IGF1R: variants seen among roughly 807,000 people sequenced by gnomAD.
IGF1R encodes the protein insulin-like growth factor 1 receptor.
In IGF1R, 44 loss-of-function variants were observed where a neutral mutation model predicts 144.6. That is an observed-to-expected ratio of 0.30 (90% CI 0.24 to 0.39). The LOEUF (loss-of-function observed/expected upper bound fraction) is 0.39, where lower values mean the gene tolerates loss of function less well. Ranked by LOEUF, IGF1R falls within the 10% of genes least tolerant of loss-of-function variation. IGF1R has a pLI of 1.00. For missense variants in IGF1R, 1,355 were observed against 1,833.7 expected (o/e 0.74, Z 4.77); for synonymous variants, 795 against 722.8 (o/e 1.10, Z -1.60).
At chr15:98,899,365 C>T (rs1043569940) in intron 4 of IGF1R, 112 bp from the exon 5 acceptor site, 3 of 1,040,510 alleles carry the variant, frequency 2.9e-6, no homozygotes, top group Non-Finnish European at 4.5e-6. Context: ...GTGCTGGGAG[C>T]ATCTCAGGGG....
chr15:98,910,334 A>G (rs2684811), intron 6 of IGF1R, among the ~76,000 whole-genome samples: 104,846 of 152,150 alleles, frequency 0.69, 37,100 homozygotes, highest in Non-Finnish European at 0.78. Flanking sequence ...ATCATAATAC[A>G]TAGTAGCCGT....
intron 2 of IGF1R, among the ~76,000 whole-genome samples, chr15:98,774,491 G>A (rs2141378219): frequency 6.6e-6 from 1 of 152,272 alleles, no homozygotes; most frequent in Non-Finnish European, 1.5e-5. Flanking sequence ...TCTTTAAGAA[G>A]AAATATAGAA....
chr15:98,925,343 G>C (rs2015671261), intron 13 of IGF1R, among the ~76,000 whole-genome samples: 1 of 152,210 alleles, frequency 6.6e-6, no homozygotes, highest in Non-Finnish European at 1.5e-5. Flanking sequence ...CAAATTATAA[G>C]ATGTATAAGC....
At chr15:98,818,147 C>G (rs2056733578) in intron 2 of IGF1R, among the ~76,000 whole-genome samples, 1 of 152,196 alleles carries the variant, frequency 6.6e-6, no homozygotes, top group Non-Finnish European at 1.5e-5. Flanking sequence ...GTCTCCTTAA[C>G]AGCCCTACCT....
chr15:98,693,429 TGGGGCTGCTGTCCTTCAGCCCTGC>T (rs1567079247), intron 1 of IGF1R, among the ~76,000 whole-genome samples: 1 of 152,186 alleles, frequency 6.6e-6, no homozygotes, highest in African/African-American at 2.4e-5. Flanking sequence ...AGCTGCTGAA[TGGGGCTGCTGTCCTTCAGCCCTGC>T]CTCCTGCTGC....
At chr15:98,951,734 C>A (rs1421381137) in intron 20 of IGF1R, among the ~76,000 whole-genome samples, 1 of 152,200 alleles carries the variant, frequency 6.6e-6, no homozygotes, top group Non-Finnish European at 1.5e-5. Flanking sequence ...CGTAGCACTG[C>A]CCAAGTGTCT....
At chr15:98,771,516 G>A (rs764346260) in intron 2 of IGF1R, among the ~76,000 whole-genome samples, 3 of 152,178 alleles carry the variant, frequency 2.0e-5, no homozygotes, top group Non-Finnish European at 4.4e-5. Context: ...TGAGTAAGCA[G>A]AGAAGTTATT....
intron 4 of IGF1R, among the ~76,000 whole-genome samples, chr15:98,898,824 A>G (rs537485061): frequency 5.9e-5 from 9 of 152,256 alleles, no homozygotes; most frequent in Non-Finnish European, 1.0e-4. Flanking sequence ...TTTGCATATT[A>G]TGTTTGTACA....
At chr15:98,756,198 T>G (rs2055151250) in intron 2 of IGF1R, among the ~76,000 whole-genome samples, 1 of 152,014 alleles carries the variant, frequency 6.6e-6, no homozygotes, top group Admixed American at 6.5e-5. Context: ...TAAGAAGAAT[T>G]TCACCCTTTC....
intron 19 of IGF1R, among the ~76,000 whole-genome samples, chr15:98,945,889 G>C (rs2016530365): frequency 2.6e-5 from 4 of 152,082 alleles, no homozygotes. Flanking sequence ...TTGCTCAGGA[G>C]ATAGGCTTTG....
chr15:98,747,963 G>A (rs998023547), intron 2 of IGF1R, among the ~76,000 whole-genome samples: 1 of 152,074 alleles, frequency 6.6e-6, no homozygotes, highest in South Asian at 2.1e-4. Flanking sequence ...GTGTGGATTC[G>A]TTAGGCCAAA....
chr15:98,679,290 T>A (rs1302940432), intron 1 of IGF1R, among the ~76,000 whole-genome samples: 1 of 152,214 alleles, frequency 6.6e-6, no homozygotes, highest in Non-Finnish European at 1.5e-5. Flanking sequence ...ATGTAGTATT[T>A]TCTGTGTGGT....
intron 18 of IGF1R, among the ~76,000 whole-genome samples, chr15:98,941,438 A>G (rs1027109902): frequency 2.6e-5 from 4 of 152,216 alleles, no homozygotes; most frequent in African/African-American, 4.8e-5. Flanking sequence ...TGGCATATTT[A>G]TAGTGATTTT....
At chr15:98,850,322 C>T (rs1307187816) in intron 2 of IGF1R, among the ~76,000 whole-genome samples, 2 of 152,196 alleles carry the variant, frequency 1.3e-5, no homozygotes, top group East Asian at 1.9e-4. Flanking sequence ...ACAGAGGAGG[C>T]CTTCAGGCTG....
At chr15:98,663,291 G>A (rs2052643766) in intron 1 of IGF1R, among the ~76,000 whole-genome samples, 1 of 152,174 alleles carries the variant, frequency 6.6e-6, no homozygotes, top group African/African-American at 2.4e-5. Flanking sequence ...AGGACTGGGG[G>A]CGGTAGCACA....
chr15:98,815,584 G>A (rs1320128854), intron 2 of IGF1R, among the ~76,000 whole-genome samples: 1 of 152,200 alleles, frequency 6.6e-6, no homozygotes, highest in Admixed American at 6.5e-5. Flanking sequence ...GGTTAGGTGT[G>A]GGGGGTGATG....
At chr15:98,669,807 G>A (rs867525890) in intron 1 of IGF1R, among the ~76,000 whole-genome samples, 6 of 152,292 alleles carry the variant, frequency 3.9e-5, no homozygotes, top group Middle Eastern at 3.4e-3. Flanking sequence ...CTGTCTGCCT[G>A]GCAAGGGGGC....
At chr15:98,655,614 T>C (rs1411685373) in intron 1 of IGF1R, among the ~76,000 whole-genome samples, 1 of 151,850 alleles carries the variant, frequency 6.6e-6, no homozygotes. Flanking sequence ...AAGATACCCG[T>C]CAAACTATAG....
chr15:98,832,865 A>AT (rs934636550), intron 2 of IGF1R, among the ~76,000 whole-genome samples: 3 of 152,290 alleles, frequency 2.0e-5, no homozygotes, highest in East Asian at 1.9e-4. Flanking sequence ...TGTGAAACCA[A>AT]TTTTTTTATT....
Sources: gnomAD v4.1 joint callset for allele counts (sites outside exome capture counted in the v4.1 genomes callset) on GRCh38, gnomAD v4.1.1 for gene constraint, MANE v1.5 for transcripts, NCBI Gene and HGNC (gene_info 2026-07-23, HGNC 2026-07-21) for gene names.